The following SUPT6H variants were observed in gnomAD, a reference collection of about 807,000 sequenced individuals.
SUPT6H encodes SPT6 homolog, histone chaperone and transcription elongation factor.
A neutral mutation model predicts 222.3 loss-of-function variants in SUPT6H; 11 were observed. That is an observed-to-expected ratio of 0.05 (90% CI 0.03 to 0.08). The LOEUF (loss-of-function observed/expected upper bound fraction) is 0.08, where lower values mean the gene tolerates loss of function less well. SUPT6H is among the 10% of genes least tolerant of loss of function. SUPT6H has a pLI of 1.00. For missense variants in SUPT6H, 1,422 were observed against 2,216.0 expected (o/e 0.64, Z 7.19); for synonymous variants, 762 against 801.2 (o/e 0.95, Z 0.83).
chr17:28,678,240 G>A (rs2151624518), intron 9 of SUPT6H, 48 bp downstream of exon 9: 1 of 1,519,410 alleles, frequency 6.6e-7, no homozygotes, highest in Admixed American at 1.8e-5. Flanking sequence ...TTTAGTTAGG[G>A]GATGAGGGAA....
At chr17:28,693,419 G>A (rs568236163) in intron 27 of SUPT6H, among the ~76,000 whole-genome samples, 16 of 152,092 alleles carry the variant, frequency 1.1e-4, no homozygotes, top group East Asian at 3.9e-4. Flanking sequence ...CCAAGATTGC[G>A]CCACTGCACT....
intron 19 of SUPT6H, among the ~76,000 whole-genome samples, chr17:28,685,285 C>G (rs1270488996): frequency 6.6e-6 from 1 of 152,102 alleles, no homozygotes; most frequent in Non-Finnish European, 1.5e-5. Context: ...CCAGCCTTTT[C>G]CCTGCTTTAG....
chr17:28,686,577 C>T (rs2031390440), intron 20 of SUPT6H, 77 bp from the exon 21 acceptor site: 1 of 1,546,338 alleles, frequency 6.5e-7, no homozygotes, highest in Non-Finnish European at 8.7e-7. Flanking sequence ...CCTCCCCTAC[C>T]TCTTCACCCC....
intron 17 of SUPT6H, 98 bp from the exon 18 acceptor site, chr17:28,684,488 G>A (rs1333421398): frequency 1.7e-5 from 24 of 1,436,940 alleles, no homozygotes; most frequent in South Asian, 4.9e-5. Flanking sequence ...ACACACCCTC[G>A]CACATGTGTG....
At chr17:28,687,544 T>C (rs1302276522) in intron 23 of SUPT6H, 73 bp downstream of exon 23, 2 of 1,495,192 alleles carry the variant, frequency 1.3e-6, no homozygotes, top group Non-Finnish European at 1.8e-6. Flanking sequence ...TTTGTCAGTA[T>C]AATTTGACAG....
intron 1 of SUPT6H, 98 bp from the exon 2 acceptor site, chr17:28,673,273 A>G: frequency 1.5e-6 from 1 of 654,776 alleles, no homozygotes; most frequent in Non-Finnish European, 2.8e-6. Flanking sequence ...TGGGCAGAGC[A>G]GTGGCAGGTT....
intron 2 of SUPT6H, among the ~76,000 whole-genome samples, chr17:28,674,048 G>A (rs112267475): frequency 2.0e-5 from 3 of 152,302 alleles, no homozygotes; most frequent in South Asian, 2.1e-4. Flanking sequence ...CCAAAGTGAC[G>A]GGGAAGATCA....
Position 28,684,845 on chromosome 17 carries a change from G to A in SUPT6H, c.2371G>A (p.Asp791Asn). 1 of 1,614,144 alleles carries A rather than the reference G, an allele frequency of 6.2e-7. No individual in the cohort carries two copies. Among genetic ancestry groups the A allele is most frequent in the Non-Finnish European group, 8.5e-7 (1 of 1,180,010 alleles). ...VLGIAFSSAR[D>N]HPVFCALVNG... ...CTTGTTTTTCTGTCTGTCTGGCAGA[G>A]ATCACCCTGTGTTCTGCGCCCTGGT... The change falls in exon 19 of 37, where the codon GAT becomes AAT. Residue 791 changes from aspartate (D) to asparagine (N), a missense_variant and splice_region_variant. By Grantham distance (23) the Asp-to-Asn change is conservative (BLOSUM62 1). Transcript: ENST00000314616.
intron 25 of SUPT6H, among the ~76,000 whole-genome samples, chr17:28,689,879 A>T (rs1013258065): frequency 1.3e-5 from 2 of 152,134 alleles, no homozygotes; most frequent in African/African-American, 4.8e-5. Context: ...CTGTGGACTC[A>T]TTGGGGTTCC....
At chr17:28,674,763 G>C in intron 4 of SUPT6H, 150 bp downstream of exon 4, 1 of 901,308 alleles carries the variant, frequency 1.1e-6, no homozygotes, top group Non-Finnish European at 1.7e-6. Context: ...GCCTAGATTT[G>C]CATCCCAGAT....
rs746120151 is a variant in SUPT6H, at chr17:28,697,890, C to T, written c.4324-16C>T. 6.8e-5 allele frequency: 110 copies of T among 1,613,224 alleles called. 1 individual carries two copies. The South Asian group carries it at 9.0e-4, about 13-fold the overall frequency. On this transcript the variant is annotated splice_polypyrimidine_tract_variant and intron_variant, in intron 31 of 36. Transcript: ENST00000314616. ...CATGCTGCTATCCCAACCTCTCCCC[C>T]TCATTCTACCCCCAGAAATTAGAGG...
intron 6 of SUPT6H, among the ~76,000 whole-genome samples, chr17:28,675,801 A>C (rs1412146180): frequency 6.6e-6 from 1 of 152,124 alleles, no homozygotes. Context: ...TTTTTGTTGG[A>C]AGACAAATGC....
rs751893243 is a variant in SUPT6H, at chr17:28,690,044, G to A, written c.3343-38G>A. 5.7e-6 allele frequency: 9 copies of A among 1,589,926 alleles called. No homozygotes were observed. The South Asian group carries it at 1.0e-4, about 18-fold the overall frequency. ...GACTCCTTGAGGCTCAGGTTGGGGG[G>A]CAGCTGCAAGGCTCTTCTTGATGGG... is the stretch of plus-strand genomic sequence containing the variant. On this transcript the variant is annotated intron_variant, in intron 25 of 36. Coordinates refer to ENST00000314616, the MANE Select transcript of SUPT6H (RefSeq NM_003170.5).
intron 27 of SUPT6H, 64 bp downstream of exon 27, chr17:28,691,127 A>G (rs750345057): frequency 6.4e-7 from 1 of 1,555,964 alleles, no homozygotes; most frequent in South Asian, 1.2e-5. Flanking sequence ...GGTGCCTAGA[A>G]GGGAATCAGA....
intron 1 of SUPT6H, among the ~76,000 whole-genome samples, chr17:28,665,809 G>A (rs2029979345): frequency 6.6e-6 from 1 of 152,160 alleles, no homozygotes; most frequent in African/African-American, 2.4e-5. Flanking sequence ...CTAGCTACCT[G>A]GGAGGCTGAG....
Position 28,701,484 on chromosome 17 carries a change from G to C in SUPT6H, c.5040G>C (p.Gln1680His). Residue 1680 changes from glutamine (Q) to histidine (H), a missense_variant, in exon 37 of 37, where the codon CAG (glutamine) becomes CAC (histidine). By Grantham distance (24) the Gln-to-His change is conservative (BLOSUM62 0). Coordinates refer to ENST00000314616, the MANE Select transcript of SUPT6H (RefSeq NM_003170.5). ...AAIDWGKMAE[Q>H]WLQEKEAERR... is the part of the protein sequence containing the mutation. ...TCGACTGGGGAAAAATGGCGGAGCA[G>C]TGGCTGCAGGAAAAGGAGGCAGAAC... 1 of 1,614,194 alleles carries C rather than the reference G, an allele frequency of 6.2e-7. No individual in the cohort carries two copies. The highest frequency in any genetic ancestry group is 8.5e-7 in the Non-Finnish European group (1 of 1,180,036).
rs1288969489 is a variant in SUPT6H at position 28,683,707 on chromosome 17, G to A, written c.2120G>A (p.Arg707Gln). Residue 707 changes from arginine to glutamine, a missense_variant, in exon 17 of 37, where the codon CGG (arginine) becomes CAG (glutamine). Around this residue, in one of 13 missense-constraint regions of SUPT6H, gnomAD observed 5 missense variants for 25.8 expected, o/e 0.19. Transcript: ENST00000314616. Reference protein sequence around the residue: ...EFSHQVQEWNRQRTMAIERAL... With the variant: ...EFSHQVQEWNQQRTMAIERAL... Reference sequence around the variant, plus strand: ...AGCCACCAGGTGCAGGAGTGGAACCGGCAGCGCACCATGGCCATCGAACGG... The same window carrying A: ...AGCCACCAGGTGCAGGAGTGGAACCAGCAGCGCACCATGGCCATCGAACGG... The A allele has an allele frequency of 8.7e-6, 14 of 1,613,972 alleles. No homozygotes were observed. The highest frequency in any genetic ancestry group is 8.3e-5 in the Admixed American group (5 of 59,992).
intron 29 of SUPT6H, 84 bp from the exon 30 acceptor site, chr17:28,696,755 ATAAAT>A (rs2031939147): frequency 8.1e-7 from 1 of 1,235,372 alleles, no homozygotes; most frequent in Non-Finnish European, 1.2e-6. Context: ...AACTCAATAA[ATAAAT>A]AAGAAATGAA....
chr17:28,681,796 C>A, intron 12 of SUPT6H, 86 bp from the exon 13 acceptor site: 3 of 1,190,816 alleles, frequency 2.5e-6, no homozygotes, highest in Non-Finnish European at 3.6e-6. Flanking sequence ...TGGCTGGGTA[C>A]CCTTTGAGGC....
Sources: gnomAD v4.1 joint callset for allele counts (sites outside exome capture counted in the v4.1 genomes callset) on GRCh38, gnomAD v4.1.1 for gene constraint, gnomAD v4.1.1 regional missense constraint, MANE v1.5 for transcripts, NCBI Gene and HGNC (gene_info 2026-07-23, HGNC 2026-07-21) for gene names.